ARHGAP20: variants seen among roughly 807,000 people sequenced by gnomAD.
ARHGAP20 encodes rho GTPase-activating protein 20.
In ARHGAP20, 34 loss-of-function variants were observed where a neutral mutation model predicts 73.7. The ratio of observed to expected loss-of-function variants is 0.46; its 90% CI spans 0.35 to 0.61. The LOEUF (loss-of-function observed/expected upper bound fraction) is 0.61. ARHGAP20 is among the 20% of genes least tolerant of loss of function. The pLI is 0.00. For synonymous variants in ARHGAP20, 523 were observed against 518.2 expected (o/e 1.01, Z -0.13); for missense variants, 1,314 against 1,420.9 (o/e 0.92, Z 1.21).
intron 5 of ARHGAP20, among the ~76,000 whole-genome samples, chr11:110,615,118 G>C (rs1265596161): frequency 6.6e-6 from 1 of 152,194 alleles, no homozygotes; most frequent in Admixed American, 6.5e-5. Flanking sequence ...AAGTCTAACA[G>C]ATGAGCCTAA....
At chr11:110,628,823 A>G (rs892872521) in intron 3 of ARHGAP20, among the ~76,000 whole-genome samples, 5 of 152,192 alleles carry the variant, frequency 3.3e-5, no homozygotes, top group Admixed American at 6.5e-5. Flanking sequence ...AAAGTCAGCT[A>G]CAGAAGCAGA....
rs557528955 is a variant in ARHGAP20, at chr11:110,658,443, C to T, written c.189-27651G>A. On this transcript the variant is annotated intron_variant, in intron 2 of 14. Transcript: ENST00000683387. ...TTCCTTAAGGTACTACAGTTCCTAT[C>T]TCCTCATTGGCACAAAAACTAGAAT... Among the ~76,000 whole-genome samples the T allele has an allele frequency of 2.8e-4, 43 of 152,232 alleles. No individual in the cohort carries two copies. The East Asian group carries it at 7.2e-3, about 25-fold the overall frequency.
intron 1 of ARHGAP20, among the ~76,000 whole-genome samples, chr11:110,700,791 C>T (rs979974619): frequency 5.6e-5 from 8 of 143,090 alleles, no homozygotes; most frequent in African/African-American, 2.1e-4. Flanking sequence ...TTCCTGTGTC[C>T]ATGTGTTCTC....
Position 110,581,116 on chromosome 11 carries a change from C to A in ARHGAP20, c.1830G>T (p.Gly610=). ...TTAAGACAGAGTCCATGCTTCTGCTCCCCTGGCCAAGTTTCTTTACCAAGT... is the reference window on the plus strand; with the variant it reads ...TTAAGACAGAGTCCATGCTTCTGCTACCCTGGCCAAGTTTCTTTACCAAGT... ...CSDLVKKLGQ[G]SRSMDSVLTL... The change falls in exon 15 of 15, where the codon GGG becomes GGT. Residue 610 remains glycine (G), a synonymous_variant. Coordinates refer to ENST00000683387, the MANE Select transcript of ARHGAP20 (RefSeq NM_001384657.1). The A allele has an allele frequency of 2.5e-6, 4 of 1,614,196 alleles. No individual in the cohort carries two copies. Among genetic ancestry groups the A allele is most frequent in the Non-Finnish European group, 3.4e-6 (4 of 1,180,030 alleles).
At chr11:110,630,085 AC>A (rs1405997543) in intron 3 of ARHGAP20, among the ~76,000 whole-genome samples, 1 of 152,144 alleles carries the variant, frequency 6.6e-6, no homozygotes, top group East Asian at 1.9e-4. Flanking sequence ...TGCTCCAGTT[AC>A]ACAGGCCTTC....
intron 3 of ARHGAP20, among the ~76,000 whole-genome samples, chr11:110,627,348 C>T (rs1221211918): frequency 2.6e-5 from 4 of 152,156 alleles, no homozygotes; most frequent in African/African-American, 4.8e-5. Flanking sequence ...CTGCCTCGGC[C>T]TCCCAAAGTG....
intron 8 of ARHGAP20, among the ~76,000 whole-genome samples, 177 bp downstream of exon 8, chr11:110,608,807 G>A (rs941802732): frequency 6.6e-6 from 1 of 152,080 alleles, no homozygotes; most frequent in Non-Finnish European, 1.5e-5. Context: ...GCTTGAATGA[G>A]GAGATATTAT....
intron 2 of ARHGAP20, among the ~76,000 whole-genome samples, chr11:110,657,920 G>GGAAGGA (rs1320774558): frequency 7.5e-6 from 1 of 134,056 alleles, no homozygotes; most frequent in Non-Finnish European, 1.6e-5. Flanking sequence ...AAAAGAGAGA[G>GGAAGGA]AGGAAGGAAG....
intron 11 of ARHGAP20, among the ~76,000 whole-genome samples, chr11:110,587,440 T>C (rs1591297389): frequency 6.6e-6 from 1 of 152,232 alleles, no homozygotes. Context: ...ATGTGCCTTA[T>C]TGAAGGCAAC....
At position 110,712,303 on chromosome 11, in the gene ARHGAP20, G is replaced by A. The variant is rs1465523950; in HGVS notation, c.-72C>T. ...TCATGTCCGCGGGCTGCCGGCCGGA[G>A]GGGCGAGGACGCGCGGGCGGAGGCG... On this transcript the variant is annotated 5_prime_UTR_variant, in exon 1 of 15. Transcript: ENST00000683387. 4 of 1,212,782 alleles carry A rather than the reference G, an allele frequency of 3.3e-6. No homozygotes were observed. The Admixed American group carries it at 1.3e-4, about 38-fold the overall frequency. The allele number at this position is 1,212,782 out of a possible 1,614,324, so 75.1% of individuals were successfully genotyped here.
intron 7 of ARHGAP20, among the ~76,000 whole-genome samples, chr11:110,609,329 T>A (rs1249979378): frequency 6.6e-6 from 1 of 152,152 alleles, no homozygotes; most frequent in Admixed American, 6.5e-5. Flanking sequence ...TCCCTCCACT[T>A]CTCAGAGAAT....
chr11:110,598,601 C>T (rs1056883668), intron 9 of ARHGAP20, among the ~76,000 whole-genome samples: 5 of 152,116 alleles, frequency 3.3e-5, no homozygotes, highest in African/African-American at 9.7e-5. Context: ...TAATGTGTTA[C>T]ACTAGAGATG....
chr11:110,632,998 A>G (rs1406385311), intron 2 of ARHGAP20, among the ~76,000 whole-genome samples: 1 of 152,182 alleles, frequency 6.6e-6, no homozygotes, highest in African/African-American at 2.4e-5. Flanking sequence ...AAGTTTATCA[A>G]ATTTTTTCAT....
At chr11:110,711,852 G>C in intron 1 of ARHGAP20, 3 of 1,317,478 alleles carry the variant, frequency 2.3e-6, no homozygotes, top group Non-Finnish European at 2.9e-6. Context: ...TGCAGAACCG[G>C]CGGCGGATGG....
intron 2 of ARHGAP20, among the ~76,000 whole-genome samples, chr11:110,645,345 C>T (rs1255613377): frequency 6.6e-6 from 1 of 152,036 alleles, no homozygotes; most frequent in Non-Finnish European, 1.5e-5. Flanking sequence ...ATACAAGTGG[C>T]CCACAGACAT....
intron 2 of ARHGAP20, among the ~76,000 whole-genome samples, chr11:110,639,951 GT>G (rs1385682961): frequency 6.6e-6 from 1 of 151,918 alleles, no homozygotes; most frequent in Non-Finnish European, 1.5e-5. Context: ...ATACCCAGGA[GT>G]GGAATTGCTA....
chr11:110,683,794 G>A (rs1275880512), intron 2 of ARHGAP20, among the ~76,000 whole-genome samples: 1 of 152,104 alleles, frequency 6.6e-6, no homozygotes, highest in Non-Finnish European at 1.5e-5. Context: ...GAATGAGAGC[G>A]ATCATCTTTA....
At chr11:110,677,029 T>A (rs1216211831) in intron 2 of ARHGAP20, among the ~76,000 whole-genome samples, 1 of 152,100 alleles carries the variant, frequency 6.6e-6, no homozygotes, top group African/African-American at 2.4e-5. Context: ...TGAAAAAACA[T>A]ACCAACCCAA....
chr11:110,678,432 A>C (rs921878147), intron 2 of ARHGAP20, among the ~76,000 whole-genome samples: 1 of 152,174 alleles, frequency 6.6e-6, no homozygotes, highest in Admixed American at 6.5e-5. Flanking sequence ...CCCTTTTTCA[A>C]CAAATTACAT....
Sources: allele counts gnomAD v4.1 joint callset (sites outside exome capture counted in the v4.1 genomes callset), GRCh38; gene constraint gnomAD v4.1.1; transcripts MANE v1.5; gene names NCBI Gene and HGNC (gene_info 2026-07-23, HGNC 2026-07-21).